Variants in PCBP3 observed in about 807,000 individuals in gnomAD.
The protein encoded by PCBP3 is poly(rC) binding protein 3, also known as poly(rC)-binding protein 3.
A neutral mutation model predicts 52.7 loss-of-function variants in PCBP3; 25 were observed. That is an observed-to-expected ratio of 0.47 (90% CI 0.35 to 0.66). PCBP3 has a LOEUF of 0.66. Among genes scored for constraint, PCBP3 ranks in the 30% least tolerant of loss-of-function variants. The pLI is 0.01. For synonymous variants in PCBP3, 162 were observed against 183.0 expected (o/e 0.89, Z 0.93); for missense variants, 391 against 490.3 (o/e 0.80, Z 1.91).
chr21:45,862,282 G>C (rs67878041), intron 5 of PCBP3, among the ~76,000 whole-genome samples: 7 of 152,008 alleles, frequency 4.6e-5, no homozygotes, highest in Non-Finnish European at 1.5e-5. Flanking sequence ...AGTCACTGCA[G>C]ATTTTTATGC....
intron 3 of PCBP3, among the ~76,000 whole-genome samples, chr21:45,739,691 GC>G (rs946888329): frequency 3.3e-5 from 4 of 119,776 alleles, no homozygotes; most frequent in Non-Finnish European, 6.7e-5. Context: ...CCTCTGGGTG[GC>G]CCCCCCATCT....
At chr21:45,856,826 C>A (rs2094317060) in intron 5 of PCBP3, among the ~76,000 whole-genome samples, 1 of 152,164 alleles carries the variant, frequency 6.6e-6, no homozygotes, top group African/African-American at 2.4e-5. Flanking sequence ...AGGCATGAGA[C>A]ATCAATCAAA....
chr21:45,937,974 G>A (rs975061804), intron 16 of PCBP3, among the ~76,000 whole-genome samples: 2 of 152,276 alleles, frequency 1.3e-5, no homozygotes, highest in African/African-American at 4.8e-5. Context: ...GGAAAGGCCT[G>A]TGGCAAAGGC....
chr21:45,821,769 G>T lies in PCBP3; in HGVS notation c.-125-28192G>T, dbSNP rs544132652. On this transcript the variant is annotated intron_variant, in intron 4 of 17. Coordinates refer to ENST00000681687, the MANE Select transcript of PCBP3 (RefSeq NM_001384156.1). The surrounding 1 kb of genome is among the most constrained non-coding windows in gnomAD (Gnocchi z 4.4). Reference sequence around the variant, plus strand: ...TCATGCAGACTGGGGTTGGGGTTCTGTTCCCTCTACTGTACTGGAGCTCCA... The same window carrying T: ...TCATGCAGACTGGGGTTGGGGTTCTTTTCCCTCTACTGTACTGGAGCTCCA... 4.2e-4 allele frequency among the ~76,000 whole-genome samples: 64 copies of T among 152,262 alleles called. No individual in the cohort carries two copies. Among genetic ancestry groups the T allele is most frequent in the African/African-American group, 1.4e-3 (59 of 41,560 alleles).
rs1265044280 is a variant in PCBP3, at chr21:45,917,454, G to A, written c.676-134G>A. On this transcript the variant is annotated intron_variant, in intron 12 of 17. Transcript: ENST00000681687. The surrounding 1 kb of genome is among the most constrained non-coding windows in gnomAD (Gnocchi z 5.3). ...TGGGAGGGTTGGCCCTTTGTCCTAG[G>A]ATGGGGACAGGTGGAGAGGCACACG... 4 of 709,034 alleles carry A rather than the reference G, an allele frequency of 5.6e-6. No homozygotes were observed. Among genetic ancestry groups the A allele is most frequent in the Non-Finnish European group, 9.9e-6 (4 of 403,348 alleles). 43.9% of individuals were successfully genotyped at this position (709,034 alleles called of 1,614,324 possible). A position where few individuals can be genotyped will look rare whatever the true frequency, so the allele number is the denominator to read the frequency against.
At chr21:45,916,507 T>C (rs1312276204) in intron 12 of PCBP3, 3 of 152,256 alleles carry the variant, frequency 2.0e-5, no homozygotes, top group African/African-American at 4.8e-5. Flanking sequence ...ACTCCGAGGA[T>C]TGGGTTGTTT....
chr21:45,931,460 C>G (rs1379682950), intron 15 of PCBP3, among the ~76,000 whole-genome samples: 1 of 152,254 alleles, frequency 6.6e-6, no homozygotes, highest in Non-Finnish European at 1.5e-5. Context: ...CACACACATG[C>G]CAGCCACAGC....
intron 5 of PCBP3, among the ~76,000 whole-genome samples, chr21:45,865,957 T>C (rs2094707221): frequency 6.6e-6 from 1 of 152,214 alleles, no homozygotes; most frequent in Non-Finnish European, 1.5e-5. Context: ...TGACAGGGTC[T>C]CCAGGACCCC....
At chr21:45,773,264 T>C (rs1403891203) in intron 4 of PCBP3, among the ~76,000 whole-genome samples, 1 of 152,186 alleles carries the variant, frequency 6.6e-6, no homozygotes, top group Non-Finnish European at 1.5e-5. Flanking sequence ...AGTATTTTTA[T>C]AGTTTCAGGT....
At chr21:45,702,975 T>C (rs2148001241) in intron 2 of PCBP3, among the ~76,000 whole-genome samples, 1 of 152,248 alleles carries the variant, frequency 6.6e-6, no homozygotes, top group African/African-American at 2.4e-5. Context: ...GTAGACTGCA[T>C]CTCAAGTAAC....
intron 4 of PCBP3, among the ~76,000 whole-genome samples, chr21:45,795,622 A>G (rs1368965443): frequency 6.6e-6 from 1 of 152,238 alleles, no homozygotes; most frequent in Non-Finnish European, 1.5e-5. Flanking sequence ...TCAGAAGAAA[A>G]TGTCAGAAAA....
intron 4 of PCBP3, among the ~76,000 whole-genome samples, chr21:45,811,911 T>C (rs899355824): frequency 1.3e-5 from 2 of 152,236 alleles, no homozygotes; most frequent in Non-Finnish European, 2.9e-5. Flanking sequence ...TTTTTAATTG[T>C]CCCTCTCTTC....
intron 5 of PCBP3, among the ~76,000 whole-genome samples, chr21:45,867,248 G>A (rs779241543): frequency 1.4e-4 from 21 of 152,252 alleles, no homozygotes; most frequent in Non-Finnish European, 2.1e-4. Flanking sequence ...CCGGATCTGA[G>A]GCAGGGCCAG....
intron 3 of PCBP3, among the ~76,000 whole-genome samples, chr21:45,753,552 A>G (rs2087744413): frequency 6.6e-6 from 1 of 151,976 alleles, no homozygotes; most frequent in South Asian, 2.1e-4. Flanking sequence ...ATTTATTTTA[A>G]TTACTTATAA....
rs957702382 is a variant in PCBP3, at chr21:45,904,719, A to G, written c.339+3606A>G. ...AAAACACACACATAACAGCGAAAGT[A>G]TTTCCAGTCCCAAGTGAACACTGGT... On this transcript the variant is annotated intron_variant, in intron 9 of 17. Transcript: ENST00000681687. This position sits in a 1 kb window ranked among gnomAD's most constrained non-coding sequence, Gnocchi z 4.8. 6.6e-6 allele frequency among the ~76,000 whole-genome samples: 1 copy of G among 152,230 alleles called. No individual in the cohort carries two copies.
Position 45,929,905 on chromosome 21 carries a change from C to G in PCBP3, c.718-12C>G, listed in dbSNP as rs771757767. 6.2e-7 allele frequency: 1 copy of G among 1,610,654 alleles called. No individual in the cohort carries two copies. The highest frequency in any genetic ancestry group is 1.1e-5 in the South Asian group (1 of 90,978). ...AATAACCTTCTTAGCTCTCGTGTCC[C>G]TCCTACCCCAGCAGTTGACCAAGCT... On this transcript the variant is annotated splice_polypyrimidine_tract_variant and intron_variant, in intron 13 of 17. Transcript: ENST00000681687.
At chr21:45,886,429 G>A (rs2095524563) in intron 5 of PCBP3, among the ~76,000 whole-genome samples, 1 of 140,386 alleles carries the variant, frequency 7.1e-6, no homozygotes. Flanking sequence ...TGCTGCGGGT[G>A]CCAAGGGCAG....
chr21:45,648,385 C>T (rs1432979067), intron 1 of PCBP3, among the ~76,000 whole-genome samples: 1 of 152,210 alleles, frequency 6.6e-6, no homozygotes, highest in Non-Finnish European at 1.5e-5. Flanking sequence ...GTTCTATTCT[C>T]TATTTCACCT....
chr21:45,895,405 T>A (rs904779205), intron 5 of PCBP3, among the ~76,000 whole-genome samples: 1 of 152,160 alleles, frequency 6.6e-6, no homozygotes, highest in African/African-American at 2.4e-5. Flanking sequence ...GTGTTGCCCT[T>A]CAGGGAAGGA....
Sources: gnomAD v4.1 joint callset for allele counts (sites outside exome capture counted in the v4.1 genomes callset) on GRCh38, gnomAD v4.1.1 for gene constraint, Gnocchi (gnomAD v3.1) non-coding constraint, MANE v1.5 for transcripts, NCBI Gene and HGNC (gene_info 2026-07-23, HGNC 2026-07-21) for gene names.